The following CFAP47 variants were observed in gnomAD, a reference collection of about 807,000 sequenced individuals.
The protein encoded by CFAP47 is cilia and flagella associated protein 47.
A neutral mutation model predicts 148.1 loss-of-function variants in CFAP47; 29 were observed. The ratio of observed to expected loss-of-function variants is 0.20; its 90% CI spans 0.15 to 0.27. CFAP47 has a LOEUF of 0.27. CFAP47 is among the 10% of genes least tolerant of loss of function. CFAP47 has a pLI of 1.00. For missense variants in CFAP47, 1,872 were observed against 1,697.5 expected (o/e 1.10, Z -1.81); for synonymous variants, 664 against 577.3 (o/e 1.15, Z -2.15).
chrX:35,962,616 C>T (rs1020654176), intron 8 of CFAP47, among the ~76,000 whole-genome samples: 14 of 110,737 alleles, frequency 1.3e-4, no homozygotes, highest in Admixed American at 1.9e-4. Context: ...AGTATGGGCA[C>T]CCTGCTCTCT....
At chrX:36,069,549 C>A (rs1040535832) in intron 27 of CFAP47, among the ~76,000 whole-genome samples, 2 of 111,532 alleles carry the variant, frequency 1.8e-5, no homozygotes, top group African/African-American at 6.5e-5. Flanking sequence ...TATCCTAAAA[C>A]ATCTTTAGAA....
intron 39 of CFAP47, among the ~76,000 whole-genome samples, chrX:36,171,043 G>C (rs1277061630): frequency 5.4e-5 from 6 of 111,090 alleles, no homozygotes; most frequent in Non-Finnish European, 7.5e-5. Flanking sequence ...TTCTCTGATG[G>C]CCAGTGATGG....
intron 26 of CFAP47, among the ~76,000 whole-genome samples, chrX:36,054,921 C>T (rs906033969): frequency 9.2e-5 from 10 of 109,189 alleles, no homozygotes; most frequent in African/African-American, 1.7e-4. Context: ...TACAGGCGCC[C>T]GCCACCACGC....
chrX:36,352,597 A>G (rs1308997545), intron 59 of CFAP47, among the ~76,000 whole-genome samples: 1 of 110,170 alleles, frequency 9.1e-6, no homozygotes, highest in East Asian at 2.8e-4. Flanking sequence ...CCTATATTCA[A>G]TGTGTATTTG....
intron 51 of CFAP47, among the ~76,000 whole-genome samples, chrX:36,293,463 G>A (rs1370722410): frequency 8.9e-6 from 1 of 112,372 alleles, no homozygotes; most frequent in African/African-American, 3.2e-5. Flanking sequence ...AGCAAGGCTC[G>A]TTCCATCTTG....
intron 42 of CFAP47, among the ~76,000 whole-genome samples, chrX:36,195,435 A>T (rs1481342193): frequency 8.9e-6 from 1 of 112,211 alleles, no homozygotes; most frequent in Non-Finnish European, 1.9e-5. Context: ...ACTGATATTG[A>T]GTAGGGCAGT....
At chrX:35,924,030 T>TATATGTGTATATGTACATGTATGC (rs1569201037) in intron 1 of CFAP47, among the ~76,000 whole-genome samples, 1 of 95,190 alleles carries the variant, frequency 1.1e-5, no homozygotes, top group African/African-American at 4.6e-5. Context: ...CACATATATA[T>TATATGTGTATATGTACATGTATGC]GCACATATAT....
intron 53 of CFAP47, among the ~76,000 whole-genome samples, chrX:36,303,197 A>G (rs1456171676): frequency 9.1e-6 from 1 of 110,384 alleles, no homozygotes; most frequent in Admixed American, 9.6e-5. Flanking sequence ...CTTTTTTTCT[A>G]TGTTTTAGAG....
At chrX:36,191,260 A>G (rs1340542447) in intron 42 of CFAP47, among the ~76,000 whole-genome samples, 3 of 111,751 alleles carry the variant, frequency 2.7e-5, no homozygotes, top group East Asian at 5.6e-4. Context: ...ACTTTTGTAT[A>G]TTAATTTGTA....
intron 36 of CFAP47, among the ~76,000 whole-genome samples, chrX:36,148,026 A>C (rs66562950): frequency 0.1 from 11,586 of 111,326 alleles, 1,218 homozygotes; most frequent in African/African-American, 0.32. Context: ...GACTTTATTC[A>C]GGACTATTAT....
chrX:36,093,454 C>T (rs1281136243), intron 30 of CFAP47, among the ~76,000 whole-genome samples: 2 of 111,179 alleles, frequency 1.8e-5, no homozygotes, highest in African/African-American at 6.5e-5. Context: ...GTCATTTTAA[C>T]TGGGATGAGA....
chrX:36,165,921 A>G (rs1230560979), intron 39 of CFAP47, among the ~76,000 whole-genome samples: 2 of 111,346 alleles, frequency 1.8e-5, no homozygotes, highest in Non-Finnish European at 3.8e-5. Flanking sequence ...CCTTAACTTA[A>G]TTATCTACTT....
chrX:35,993,761 A>G (rs1936813939), intron 18 of CFAP47, among the ~76,000 whole-genome samples: 1 of 111,174 alleles, frequency 9.0e-6, no homozygotes, highest in Non-Finnish European at 1.9e-5. Flanking sequence ...AGTTTTGACG[A>G]ACCTAGATAG....
At chrX:36,026,946 T>A (rs948277134) in intron 22 of CFAP47, among the ~76,000 whole-genome samples, 1 of 109,202 alleles carries the variant, frequency 9.2e-6, no homozygotes, top group African/African-American at 3.3e-5. Context: ...CTATCTTCTC[T>A]TGTATTTAGA....
chrX:36,228,885 CCT>C (rs782608373), intron 46 of CFAP47, 61 bp downstream of exon 46: 33 of 470,415 alleles, frequency 7.0e-5, no homozygotes, highest in Non-Finnish European at 1.2e-4. Flanking sequence ...CAATTAAAGT[CCT>C]CCAGACCTCT....
chrX:35,971,329 C>T (rs1936487186), intron 11 of CFAP47, among the ~76,000 whole-genome samples: 1 of 111,881 alleles, frequency 8.9e-6, no homozygotes, highest in Non-Finnish European at 1.9e-5. Flanking sequence ...GCCAAAGGGG[C>T]TTGTCTTTTG....
chrX:36,111,785 A>G (rs1938559109), intron 33 of CFAP47, among the ~76,000 whole-genome samples: 2 of 110,752 alleles, frequency 1.8e-5, no homozygotes, highest in African/African-American at 6.6e-5. Flanking sequence ...TCAGTTTTGG[A>G]GCTCATTATC....
At chrX:36,363,273 C>T (rs1556019610) in intron 61 of CFAP47, among the ~76,000 whole-genome samples, 1 of 111,274 alleles carries the variant, frequency 9.0e-6, no homozygotes, top group South Asian at 3.7e-4. Flanking sequence ...TTAGGTGATT[C>T]CATCATTGTA....
At chrX:36,022,770 C>A (rs931541451) in intron 22 of CFAP47, among the ~76,000 whole-genome samples, 1 of 111,426 alleles carries the variant, frequency 9.0e-6, no homozygotes, top group African/African-American at 3.3e-5. Context: ...AACTCTGATG[C>A]AAATTGCATT....
Sources: gnomAD v4.1 joint callset for allele counts (sites outside exome capture counted in the v4.1 genomes callset) on GRCh38, gnomAD v4.1.1 for gene constraint, MANE v1.5 for transcripts, NCBI Gene and HGNC (gene_info 2026-07-23, HGNC 2026-07-21) for gene names.